Variants in XPR1 observed in about 807,000 individuals in gnomAD.
XPR1 encodes solute carrier family 53 member 1.
Under a neutral mutation model 87.5 loss-of-function variants are expected in XPR1, and 28 were observed. The observed-to-expected ratio is 0.32, with a 90% CI of 0.24 to 0.44. The LOEUF (loss-of-function observed/expected upper bound fraction) is 0.44. Ranked by LOEUF, XPR1 falls within the 20% of genes least tolerant of loss-of-function variation. XPR1 has a pLI of 1.00. For synonymous variants in XPR1, 300 were observed against 306.1 expected, an observed-to-expected ratio of 0.98 and a Z score of 0.21; for missense variants, 559 against 862.3, an observed-to-expected ratio of 0.65 and a Z score of 4.41.
chr1:180,863,624 ATC>A (rs1652290706), intron 11 of XPR1, 82 bp from the exon 12 acceptor site: 4 of 1,232,110 alleles, frequency 3.2e-6, no homozygotes, highest in African/African-American at 1.5e-5. Flanking sequence ...TATTTTAAGA[ATC>A]TGTTTTAATT....
intron 12 of XPR1, among the ~76,000 whole-genome samples, chr1:180,865,653 G>T (rs1346056594): frequency 6.6e-6 from 1 of 152,016 alleles, no homozygotes. Flanking sequence ...GCCTGCCTCG[G>T]CCTCCCAAAA....
intron 9 of XPR1, among the ~76,000 whole-genome samples, chr1:180,831,362 C>CTTTTTTTTTTTTTTTT (rs753235095): frequency 8.7e-6 from 1 of 115,480 alleles, no homozygotes; most frequent in African/African-American, 3.1e-5. Context: ...TTTTCTTTTT[C>CTTTTTTTTTTTTTTTT]TTTTTTTTTT....
intron 2 of XPR1, among the ~76,000 whole-genome samples, chr1:180,767,877 C>G (rs1648348206): frequency 6.6e-6 from 1 of 151,344 alleles, no homozygotes; most frequent in Non-Finnish European, 1.5e-5. Flanking sequence ...CGGAGTCTTG[C>G]TCTGTTGCCC....
intron 1 of XPR1, among the ~76,000 whole-genome samples, chr1:180,681,208 A>G (rs571543053): frequency 3.5e-4 from 54 of 152,330 alleles, no homozygotes; most frequent in Non-Finnish European, 4.7e-4. Flanking sequence ...GAAGGAGGAT[A>G]TTGAATGTTC....
intron 2 of XPR1, among the ~76,000 whole-genome samples, chr1:180,710,607 A>G (rs1657730084): frequency 6.6e-6 from 1 of 152,218 alleles, no homozygotes; most frequent in South Asian, 2.1e-4. Flanking sequence ...TTCTTTCTAC[A>G]CAGACACAGC....
At chr1:180,663,066 A>G (rs925014027) in intron 1 of XPR1, among the ~76,000 whole-genome samples, 9 of 152,200 alleles carry the variant, frequency 5.9e-5, no homozygotes, top group African/African-American at 1.9e-4. Flanking sequence ...AGTTTCCTCA[A>G]AACAGCTGGT....
intron 11 of XPR1, among the ~76,000 whole-genome samples, chr1:180,851,586 C>T (rs116688930): frequency 6.6e-6 from 1 of 152,142 alleles, no homozygotes; most frequent in East Asian, 1.9e-4. Context: ...TTTGCTTATT[C>T]CAAAGTCTTA....
intron 7 of XPR1, among the ~76,000 whole-genome samples, chr1:180,812,813 T>A (rs1650268300): frequency 1.3e-5 from 2 of 152,032 alleles, no homozygotes; most frequent in South Asian, 4.2e-4. Context: ...CACACCTGGC[T>A]AATTTTTTGT....
intron 13 of XPR1, among the ~76,000 whole-genome samples, chr1:180,879,427 C>T (rs766296281): frequency 1.3e-5 from 2 of 152,154 alleles, no homozygotes; most frequent in East Asian, 1.9e-4. Context: ...GGCCCTCTTC[C>T]ACCCCTCCAT....
At chr1:180,759,918 G>C (rs1647934449) in intron 2 of XPR1, among the ~76,000 whole-genome samples, 1 of 152,178 alleles carries the variant, frequency 6.6e-6, no homozygotes, top group Admixed American at 6.5e-5. Flanking sequence ...TATCCACCAT[G>C]ATCAAGTGGG....
chr1:180,707,559 G>A (rs766579999), intron 2 of XPR1, among the ~76,000 whole-genome samples: 74 of 152,168 alleles, frequency 4.9e-4, no homozygotes, highest in Non-Finnish European at 9.0e-4. Context: ...TATCTGAATA[G>A]GGCTGTGGAA....
At chr1:180,708,739 C>G (rs1209365966) in intron 2 of XPR1, among the ~76,000 whole-genome samples, 1 of 151,922 alleles carries the variant, frequency 6.6e-6, no homozygotes, top group Non-Finnish European at 1.5e-5. Context: ...ATTTCAAACT[C>G]TTTCATAAAG....
intron 3 of XPR1, among the ~76,000 whole-genome samples, chr1:180,791,352 A>G (rs1281660046): frequency 6.6e-6 from 1 of 151,954 alleles, no homozygotes; most frequent in Non-Finnish European, 1.5e-5. Flanking sequence ...GCTCACTGCA[A>G]CCTCTGCCTC....
At chr1:180,639,219 C>T (rs1342821681) in intron 1 of XPR1, among the ~76,000 whole-genome samples, 1 of 151,510 alleles carries the variant, frequency 6.6e-6, no homozygotes, top group African/African-American at 2.4e-5. Flanking sequence ...ACCCAGGAGG[C>T]GGAGGTTGCA....
chr1:180,632,419 C>G lies in XPR1; in HGVS notation c.69+149C>G, dbSNP rs556349732. The G allele has an allele frequency of 4.1e-4, 409 of 1,009,352 alleles. 2 individuals carry two copies. Among genetic ancestry groups the G allele is most frequent in the African/African-American group, 2.8e-3 (174 of 62,406 alleles). 62.5% of individuals were successfully genotyped at this position (1,009,352 alleles called of 1,614,324 possible). On this transcript the variant is annotated intron_variant, in intron 1 of 14. Coordinates refer to ENST00000367590, the MANE Select transcript of XPR1 (RefSeq NM_004736.4). ...CGGGGAGCCACTGCGGCATCCCCGC[C>G]GCGGCCGGCCGCCTCCCGGCTCCGC... is the stretch of plus-strand genomic sequence containing the variant.
At chr1:180,728,259 G>C (rs914804759) in intron 2 of XPR1, among the ~76,000 whole-genome samples, 6 of 142,178 alleles carry the variant, frequency 4.2e-5, no homozygotes, top group African/African-American at 1.6e-4. Flanking sequence ...AGTAACACTG[G>C]TATATGGCGG....
At chr1:180,735,972 GGATATGGGATATGGCAAT>G (rs1658716078) in intron 2 of XPR1, among the ~76,000 whole-genome samples, 1 of 152,066 alleles carries the variant, frequency 6.6e-6, no homozygotes, top group African/African-American at 2.4e-5. Context: ...CTAGACACCA[GGATATGGGATATGGCAAT>G]GAACAAAATA....
At chr1:180,646,091 A>G (rs371725600) in intron 1 of XPR1, among the ~76,000 whole-genome samples, 30 of 152,238 alleles carry the variant, frequency 2.0e-4, no homozygotes, top group African/African-American at 6.3e-4. Context: ...AGACTTGTCA[A>G]CCTGGATTCC....
chr1:180,659,202 C>T (rs1355953479), intron 1 of XPR1, among the ~76,000 whole-genome samples: 1 of 26,150 alleles, frequency 3.8e-5, no homozygotes. Context: ...GTCTTCCTTC[C>T]TTCCTTCCTT....
Sources: allele counts gnomAD v4.1 joint callset (sites outside exome capture counted in the v4.1 genomes callset), GRCh38; gene constraint gnomAD v4.1.1; transcripts MANE v1.5; gene names NCBI Gene and HGNC (gene_info 2026-07-23, HGNC 2026-07-21).